The following MINDY4B variants were observed in gnomAD, a reference collection of about 807,000 sequenced individuals.
The protein encoded by MINDY4B is inactive ubiquitin carboxyl-terminal hydrolase MINDY-4B.
A neutral mutation model predicts 16.7 loss-of-function variants in MINDY4B; 25 were observed. That is an observed-to-expected ratio of 1.49 (90% confidence interval 1.09 to 2.09). MINDY4B has a LOEUF of 2.09. Ranked by LOEUF, MINDY4B falls within the 30% of genes most tolerant of loss-of-function variation. MINDY4B has a pLI of 0.00. For missense variants in MINDY4B, 327 were observed against 168.4 expected, an observed-to-expected ratio of 1.94 and a Z score of -5.21; for synonymous variants, 132 against 61.9, an observed-to-expected ratio of 2.13 and a Z score of -5.32.
chr3:150,873,442 G>A (rs960415844), intron 10 of MINDY4B, 75 bp from the exon 11 acceptor site: 12 of 651,802 alleles, frequency 1.8e-5, no homozygotes, highest in African/African-American at 3.6e-5. Context: ...ACATGATCGC[G>A]ACCAAAAAGC....
intron 3 of MINDY4B, among the ~76,000 whole-genome samples, chr3:150,897,413 A>G (rs1379631327): frequency 2.0e-5 from 3 of 150,726 alleles, no homozygotes; most frequent in Non-Finnish European, 4.4e-5. Context: ...ATTGCAAAGT[A>G]CCCTGGGCCT....
At chr3:150,891,156 C>A (rs755775433) in intron 5 of MINDY4B, 53 bp from the exon 6 acceptor site, 6 of 672,558 alleles carry the variant, frequency 8.9e-6, no homozygotes, top group Non-Finnish European at 1.7e-5. Flanking sequence ...ATCACCTAGC[C>A]ACAGAGATGG....
At position 150,894,212 on chromosome 3, in the gene MINDY4B, G is replaced by A; in HGVS notation, c.403C>T (p.Leu135=). 1 of 700,306 alleles carries A rather than the reference G, an allele frequency of 1.4e-6. No homozygotes were observed. The highest frequency in any genetic ancestry group is 2.7e-5 in the East Asian group (1 of 37,276). The allele number at this position is 700,306 out of a possible 1,614,324, so 43.4% of individuals were successfully genotyped here. ...TTTCCCACTTCCAGAGTGAAAGCTA[G>A]TTCAGAAGAAGGATCATGGAACCTG... is the stretch of plus-strand genomic sequence containing the variant. ...YFRFHDPSSE[L]AFTLEVGKGG... The change falls in exon 4 of 12, where the codon CTA becomes TTA. Residue 135 remains leucine (L), a synonymous_variant. Coordinates refer to ENST00000465419, the MANE Select transcript of MINDY4B (RefSeq NM_001351281.2).
At chr3:150,876,049 C>A (rs1559963915) in intron 10 of MINDY4B, among the ~76,000 whole-genome samples, 1 of 152,204 alleles carries the variant, frequency 6.6e-6, no homozygotes, top group Non-Finnish European at 1.5e-5. Flanking sequence ...TGGTGAGATT[C>A]CATCAATGCT....
At chr3:150,873,427 C>G (rs899766654) in intron 10 of MINDY4B, 60 bp from the exon 11 acceptor site, 4 of 671,574 alleles carry the variant, frequency 6.0e-6, no homozygotes, top group African/African-American at 5.3e-5. Flanking sequence ...GTGACACATG[C>G]CGATACATGA....
chr3:150,900,512 A>G (rs190691799), intron 3 of MINDY4B, among the ~76,000 whole-genome samples: 57 of 152,314 alleles, frequency 3.7e-4, no homozygotes, highest in African/African-American at 1.3e-3. Context: ...GCCTCCCTAG[A>G]ACAAGCATAT....
At chr3:150,899,417 T>C (rs562584273) in intron 3 of MINDY4B, among the ~76,000 whole-genome samples, 1 of 152,302 alleles carries the variant, frequency 6.6e-6, no homozygotes, top group East Asian at 1.9e-4. Context: ...GCTAATGCAG[T>C]GTCCCAGCAA....
At chr3:150,897,717 G>C (rs1712015448) in intron 3 of MINDY4B, among the ~76,000 whole-genome samples, 1 of 152,168 alleles carries the variant, frequency 6.6e-6, no homozygotes, top group South Asian at 2.1e-4. Context: ...CTGAGAAAAG[G>C]GGGCAGGTGC....
At chr3:150,874,014 T>G (rs61447987) in intron 10 of MINDY4B, among the ~76,000 whole-genome samples, 1 of 143,124 alleles carries the variant, frequency 7.0e-6, no homozygotes, top group African/African-American at 2.7e-5. Context: ...GATTTTTTTT[T>G]TTTTTTTTTT....
Position 150,891,041 on chromosome 3 carries a change from A to G in MINDY4B, c.584T>C (p.Leu195Pro), listed in dbSNP as rs1002156729. The change falls in exon 6 of 12, where the codon CTG (leucine) becomes CCG (proline). Residue 195 changes from leucine to proline, a missense_variant. Leu to Pro is a moderately conservative substitution (Grantham distance 98). Coordinates refer to ENST00000465419, the MANE Select transcript of MINDY4B (RefSeq NM_001351281.2). ...CTTCTGAGCTGCTCCTGCAGCCCAC[A>G]GGATGCCAGCAAGCGCCGCGGCCAA... ...QALAAALAGI[L>P]WAAGAAQKAT... The G allele has an allele frequency of 2.0e-5, 14 of 702,738 alleles. No homozygotes were observed. In the African/African-American group the frequency reaches 2.1e-4, roughly 11 times the overall value. 43.5% of individuals were successfully genotyped at this position (702,738 alleles called of 1,614,324 possible).
Position 150,871,168 on chromosome 3 carries a change from C to T in MINDY4B, c.1260G>A (p.Trp420Ter), listed in dbSNP as rs2107891888. Residue 420 changes from tryptophan (W) to a stop codon, truncating the protein, a stop_gained, in exon 12 of 12, where the codon TGG (tryptophan) becomes TGA (stop). Transcript: ENST00000465419. LOFTEE classifies it low-confidence loss of function (END_TRUNC). ...RLTIDTHSHH[W>*]ERDQQEEKHG... ...GTTTCTCTTCCTGTTGGTCTCTTTCCCAGTGATGGGAGTGAGTATCTGAAG... is the reference window on the plus strand; with the variant it reads ...GTTTCTCTTCCTGTTGGTCTCTTTCTCAGTGATGGGAGTGAGTATCTGAAG... 3 of 702,696 alleles carry T rather than the reference C, an allele frequency of 4.3e-6. No homozygotes were observed. Among genetic ancestry groups the T allele is most frequent in the Non-Finnish European group, 7.8e-6 (3 of 384,812 alleles). 43.5% of individuals were successfully genotyped at this position (702,696 alleles called of 1,614,324 possible).
intron 5 of MINDY4B, among the ~76,000 whole-genome samples, chr3:150,892,246 C>A (rs1408545505): frequency 6.6e-6 from 1 of 152,238 alleles, no homozygotes; most frequent in African/African-American, 2.4e-5. Context: ...CTCCGCAGTG[C>A]AATCCATGCA....
rs545130946 is a variant in MINDY4B, at chr3:150,905,376, T to G, written c.64A>C (p.Arg22=). The stretch of plus-strand genomic sequence containing the variant: ...CATTTGTCAAGGAATGAAATTTTCC[T>G]TGAGATCTCCTCTAAATCCAGCTGT... The part of the protein sequence containing the change: ...SEQLDLEEIS[R]KISFLDKWRE... The change falls in exon 1 of 12, where the codon AGG becomes CGG. Residue 22 remains arginine, a synonymous_variant. Transcript: ENST00000465419. 2.5e-6 allele frequency: 1 copy of G among 398,532 alleles called. No individual in the cohort carries two copies. The allele number at this position is 398,532 out of a possible 1,614,324, so 24.7% of individuals were successfully genotyped here.
At chr3:150,873,081 T>A in intron 11 of MINDY4B, 106 bp downstream of exon 11, 1 of 588,798 alleles carries the variant, frequency 1.7e-6, no homozygotes, top group Admixed American at 2.9e-5. Flanking sequence ...AGCCTAAGCA[T>A]TTTCCTGTGG....
intron 7 of MINDY4B, among the ~76,000 whole-genome samples, chr3:150,888,167 C>CAT (rs112153113): frequency 1.3e-5 from 2 of 152,036 alleles, no homozygotes; most frequent in African/African-American, 4.8e-5. Context: ...TCCTTCCTTG[C>CAT]ATATTCCTGG....
chr3:150,884,562 T>C (rs186227863), intron 8 of MINDY4B, among the ~76,000 whole-genome samples: 25 of 152,336 alleles, frequency 1.6e-4, no homozygotes, highest in African/African-American at 5.1e-4. Context: ...TTAAAGGACA[T>C]TAACGTTTAG....
chr3:150,884,543 G>T (rs1377109119), intron 8 of MINDY4B, among the ~76,000 whole-genome samples: 1 of 152,122 alleles, frequency 6.6e-6, no homozygotes, highest in Non-Finnish European at 1.5e-5. Flanking sequence ...CTTTAGCGTG[G>T]TACATGACTT....
intron 6 of MINDY4B, chr3:150,890,686 A>T: frequency 2.0e-6 from 1 of 505,334 alleles, no homozygotes. Context: ...TGGATATGGA[A>T]ATATCATTTA....
chr3:150,895,858 C>T (rs1234724984), intron 3 of MINDY4B, among the ~76,000 whole-genome samples: 1 of 152,088 alleles, frequency 6.6e-6, no homozygotes, highest in African/African-American at 2.4e-5. Context: ...CAATGAATTT[C>T]CCAGGTGTTT....
Sources: allele counts gnomAD v4.1 joint callset (sites outside exome capture counted in the v4.1 genomes callset), GRCh38; gene constraint gnomAD v4.1.1; transcripts MANE v1.5; gene names NCBI Gene and HGNC (gene_info 2026-07-23, HGNC 2026-07-21).